Variants in TMEM165 observed in about 807,000 individuals in gnomAD.
The protein encoded by TMEM165 is transmembrane protein 165.
Under a neutral mutation model 30.0 loss-of-function variants are expected in TMEM165, and 19 were observed. The observed-to-expected ratio is 0.63, with a 90% confidence interval of 0.44 to 0.93. TMEM165 has a LOEUF of 0.93. Among genes scored for constraint, TMEM165 ranks in the 40% least tolerant of loss-of-function variants. The pLI is 0.00. For synonymous variants in TMEM165, 168 were observed against 162.9 expected (o/e 1.03, Z -0.24); for missense variants, 340 against 417.0 (o/e 0.82, Z 1.61).
rs185164371 is a variant in TMEM165 at position 55,419,723 on chromosome 4, G to C, written c.792+1738G>C. On this transcript the variant is annotated intron_variant, in intron 4 of 5. Coordinates refer to ENST00000381334, the MANE Select transcript of TMEM165 (RefSeq NM_018475.5). ...TATATCAGATTCTCTTTTTATAAGA[G>C]TAAAATTGTTTCTAATTCCTTGGAA... is the stretch of plus-strand genomic sequence containing the variant. 4.4e-3 allele frequency among the ~76,000 whole-genome samples: 666 copies of C among 152,030 alleles called. 5 individuals are homozygous for C. Among genetic ancestry groups the C allele is most frequent in the African/African-American group, 0.015 (641 of 41,468 alleles).
At chr4:55,419,184 G>T (rs1412503146) in intron 4 of TMEM165, among the ~76,000 whole-genome samples, 3 of 152,122 alleles carry the variant, frequency 2.0e-5, no homozygotes, top group African/African-American at 4.8e-5. Context: ...TAGGGGTGGG[G>T]TCTCACCATG....
At chr4:55,418,186 T>A in intron 4 of TMEM165, 1 of 469,930 alleles carries the variant, frequency 2.1e-6, no homozygotes, top group East Asian at 3.5e-5. Context: ...GTAACCAAGC[T>A]CAGTTGGGCT....
chr4:55,408,738 C>T (rs975617527), intron 1 of TMEM165, among the ~76,000 whole-genome samples: 2 of 152,060 alleles, frequency 1.3e-5, no homozygotes, highest in African/African-American at 4.8e-5. Context: ...TAGCTTTGAT[C>T]ACTATTGTGT....
At chr4:55,406,197 C>G (rs983939111) in intron 1 of TMEM165, among the ~76,000 whole-genome samples, 1 of 152,166 alleles carries the variant, frequency 6.6e-6, no homozygotes. Context: ...TTGGTTGGAC[C>G]TGCCTGAAGT....
intron 3 of TMEM165, among the ~76,000 whole-genome samples, chr4:55,447,135 G>A (rs1723925736): frequency 6.6e-6 from 1 of 151,910 alleles, no homozygotes. Flanking sequence ...GGGAGGCCGA[G>A]GTGGGCAGAA....
chr4:55,429,422 CTAGGT>C (rs1426529172), downstream of TMEM165: 1 of 152,146 alleles, frequency 6.6e-6, no homozygotes, highest in Non-Finnish European at 1.5e-5. Context: ...CCTCAAATGT[CTAGGT>C]TTCCAATATT....
At chr4:55,449,403 C>G in intron 3 of TMEM165, 1 of 1,613,450 alleles carries the variant, frequency 6.2e-7, no homozygotes, top group Admixed American at 1.7e-5. Context: ...TACCTGACTA[C>G]TAAATGATGA....
chr4:55,443,982 A>C, intron 3 of TMEM165: 1 of 1,224,318 alleles, frequency 8.2e-7, no homozygotes, highest in South Asian at 1.3e-5. Flanking sequence ...TCAAGCTACA[A>C]AGTATGTTTA....
intron 3 of TMEM165, among the ~76,000 whole-genome samples, chr4:55,450,768 CA>C (rs34192457): frequency 0.59 from 83,372 of 142,076 alleles, 25,084 homozygotes; most frequent in South Asian, 0.8. Context: ...GACTCCATCT[CA>C]AAAAAAAAAA....
At chr4:55,452,685 A>T (rs1041375402) in exon 4 of TMEM165, 4 of 194,496 alleles carry the variant, frequency 2.1e-5, no homozygotes, top group African/African-American at 7.2e-5. Flanking sequence ...TTTAGGGAAG[A>T]TTTTTTTTTC....
intron 3 of TMEM165, 125 bp downstream of exon 3, chr4:55,417,372 T>C: frequency 9.3e-6 from 9 of 965,176 alleles, no homozygotes; most frequent in Non-Finnish European, 1.3e-5. Flanking sequence ...CTTCTTTTGC[T>C]TTGTTCTGTT....
chr4:55,448,953 T>A, intron 3 of TMEM165: 1 of 1,083,300 alleles, frequency 9.2e-7, no homozygotes, highest in Non-Finnish European at 1.4e-6. Context: ...ATGATATTCG[T>A]ATTAATAAAC....
chr4:55,447,691 A>C (rs564516174), intron 3 of TMEM165, among the ~76,000 whole-genome samples: 6 of 152,202 alleles, frequency 3.9e-5, no homozygotes, highest in Non-Finnish European at 8.8e-5. Context: ...CTGAGATTAA[A>C]AAACTAATAA....
intron 1 of TMEM165, 128 bp downstream of exon 1, chr4:55,396,524 G>A (rs1720737038): frequency 6.5e-6 from 5 of 773,822 alleles, no homozygotes; most frequent in African/African-American, 1.9e-5. Flanking sequence ...CCCTGCTCCC[G>A]GGGTGGAGGG....
intron 1 of TMEM165, 108 bp downstream of exon 1, chr4:55,396,504 G>T (rs908382270): frequency 1.0e-6 from 1 of 1,000,862 alleles, no homozygotes; most frequent in African/African-American, 1.7e-5. Context: ...CTGGGGGAGG[G>T]GAGCCCGGCC....
chr4:55,404,871 C>G (rs889347169), intron 1 of TMEM165, among the ~76,000 whole-genome samples: 1 of 152,162 alleles, frequency 6.6e-6, no homozygotes, highest in Non-Finnish European at 1.5e-5. Context: ...TAATGAAGCC[C>G]GTTTGACCTC....
chr4:55,442,507 T>C (rs1723451584), intron 3 of TMEM165: 1 of 1,609,138 alleles, frequency 6.2e-7, no homozygotes, highest in South Asian at 1.1e-5. Flanking sequence ...AGATGGAATC[T>C]GGACCATGCT....
At chr4:55,424,763 C>T (rs1722123084) in intron 5 of TMEM165, 120 bp downstream of exon 5, 16 of 662,424 alleles carry the variant, frequency 2.4e-5, no homozygotes, top group South Asian at 1.9e-4. Flanking sequence ...TAATTACCTA[C>T]CATCTCTTAT....
intron 2 of TMEM165, 68 bp downstream of exon 2, chr4:55,411,907 C>A: frequency 6.9e-7 from 1 of 1,457,978 alleles, no homozygotes. Flanking sequence ...GACATGGAGT[C>A]ACTGAGTCAT....
Sources: gnomAD v4.1 joint callset for allele counts (sites outside exome capture counted in the v4.1 genomes callset) on GRCh38, gnomAD v4.1.1 for gene constraint, MANE v1.5 for transcripts, NCBI Gene and HGNC (gene_info 2026-07-23, HGNC 2026-07-21) for gene names.